The following BGN variants were observed in gnomAD, a reference collection of about 807,000 sequenced individuals.
BGN encodes bone/cartilage proteoglycan-I.
A neutral mutation model predicts 20.0 loss-of-function variants in BGN; 6 were observed. That is an observed-to-expected ratio of 0.30 (90% CI 0.16 to 0.59). The LOEUF (loss-of-function observed/expected upper bound fraction) is 0.59, where lower values mean the gene tolerates loss of function less well. Among genes scored for constraint, BGN ranks in the 20% least tolerant of loss-of-function variants. The pLI is 0.88. For missense variants in BGN, 292 were observed against 312.1 expected, an observed-to-expected ratio of 0.94 and a Z score of 0.49; for synonymous variants, 146 against 134.6, an observed-to-expected ratio of 1.08 and a Z score of -0.59.
intron 1 of BGN, among the ~76,000 whole-genome samples, chrX:153,502,348 T>C (rs1191563573): frequency 2.7e-5 from 3 of 111,909 alleles, no homozygotes; most frequent in Non-Finnish European, 5.7e-5. Flanking sequence ...GTAGCGGCTT[T>C]GGCAGGGGCA....
rs782239175 is a variant in BGN, at chrX:153,506,026, G to T, written c.515G>T (p.Arg172Leu). ...CTCCGCATCCACGACAACCGCATCCGCAAGGTGCCCAAGGGAGTGTTCAGC... is the reference window on the plus strand; with the variant it reads ...CTCCGCATCCACGACAACCGCATCCTCAAGGTGCCCAAGGGAGTGTTCAGC... ...VELRIHDNRIRKVPKGVFSGL... is the reference protein window; with the variant it reads ...VELRIHDNRILKVPKGVFSGL... Residue 172 changes from arginine (R) to leucine (L), a missense_variant, in exon 4 of 8, where the codon CGC becomes CTC. By Grantham distance (102) the Arg-to-Leu change is moderately radical. Coordinates refer to ENST00000331595, the MANE Select transcript of BGN (RefSeq NM_001711.6). The T allele has an allele frequency of 8.3e-7, 1 of 1,210,263 alleles. No homozygotes were observed. The highest frequency in any genetic ancestry group is 1.1e-6 in the Non-Finnish European group (1 of 895,278).
rs1461123399 is a variant in BGN at position 153,506,284 on chromosome X, G to A, written c.565+208G>A. Among the ~76,000 whole-genome samples, 4 of 112,545 alleles carry A rather than the reference G, an allele frequency of 3.6e-5. No individual in the cohort carries two copies. The East Asian group carries it at 1.1e-3, about 32-fold the overall frequency. ...GGCCAGAGGGGCCGGGTGGCTTCCG[G>A]GAGCCCCATCTTCATCTCTGGCACT... On this transcript the variant is annotated intron_variant, in intron 4 of 7. Coordinates refer to ENST00000331595, the MANE Select transcript of BGN (RefSeq NM_001711.6).
chrX:153,499,817 G>A (rs947310583), intron 1 of BGN, among the ~76,000 whole-genome samples: 73 of 113,110 alleles, frequency 6.5e-4, no homozygotes, highest in African/African-American at 2.3e-3. Context: ...CCGGGTGTCA[G>A]CGGGGGCACA....
At chrX:153,504,944 A>T (rs2980053) in intron 2 of BGN, 75 bp downstream of exon 2, 1 of 1,025,271 alleles carries the variant, frequency 9.8e-7, no homozygotes. Context: ...TCTGAAGGGG[A>T]CACATGCTGG....
At chrX:153,503,115 C>T (rs782320736) in intron 1 of BGN, among the ~76,000 whole-genome samples, 2 of 112,974 alleles carry the variant, frequency 1.8e-5, no homozygotes, top group African/African-American at 3.2e-5. Context: ...CTCAGGCCCC[C>T]GGCCCGCTGG....
intron 7 of BGN, 72 bp from the exon 8 acceptor site, chrX:153,508,176 A>G: frequency 9.0e-7 from 1 of 1,111,234 alleles, no homozygotes; most frequent in Non-Finnish European, 1.2e-6. Context: ...CAACAGCAAA[A>G]TGCCTCCTGG....
chrX:153,505,447 G>A, intron 3 of BGN, 97 bp downstream of exon 3: 1 of 725,878 alleles, frequency 1.4e-6, no homozygotes, highest in African/African-American at 2.1e-5. Flanking sequence ...GGGGTTCGGG[G>A]ACTCGTGGGG....
chrX:153,499,685 C>A (rs565752659), intron 1 of BGN, among the ~76,000 whole-genome samples: 1 of 113,284 alleles, frequency 8.8e-6, no homozygotes, highest in Non-Finnish European at 1.9e-5. Context: ...ACGCACACGC[C>A]GGGCTTTGGC....
chrX:153,498,235 T>A (rs898380871), intron 1 of BGN, among the ~76,000 whole-genome samples: 5 of 113,023 alleles, frequency 4.4e-5, no homozygotes, highest in Non-Finnish European at 9.4e-5. Context: ...CCCAACGGAC[T>A]CTGTGGGCCT....
intron 4 of BGN, among the ~76,000 whole-genome samples, 195 bp from the exon 5 acceptor site, chrX:153,506,334 G>A (rs186912143): frequency 8.9e-6 from 1 of 112,195 alleles, no homozygotes; most frequent in East Asian, 2.8e-4. Context: ...TGCTGCCCCT[G>A]GAGCTAGCAG....
Position 153,507,311 on chromosome X carries a change from G to A in BGN, c.909+126G>A, listed in dbSNP as rs781941434. 2.0e-4 allele frequency: 180 copies of A among 889,408 alleles called. 1 individual carries two copies. The highest frequency in any genetic ancestry group is 4.2e-4 in the Admixed American group (11 of 25,935). 73.3% of individuals were successfully genotyped at this position (889,408 alleles called of 1,213,427 possible). On this transcript the variant is annotated intron_variant, in intron 7 of 7. Transcript: ENST00000331595. ...CGGCTCTGGGCATCTGCAAGGGAGC[G>A]GTCCTGATGCTCCCAGCTGGTGCTG...
At chrX:153,499,805 G>A (rs989079244) in intron 1 of BGN, among the ~76,000 whole-genome samples, 4 of 113,045 alleles carry the variant, frequency 3.5e-5, no homozygotes, top group Non-Finnish European at 7.5e-5. Flanking sequence ...GCAGGGGGCA[G>A]GCCGGGTGTC....
intron 1 of BGN, among the ~76,000 whole-genome samples, chrX:153,503,799 G>A (rs1482138047): frequency 9.0e-6 from 1 of 111,236 alleles, no homozygotes; most frequent in African/African-American, 3.3e-5. Flanking sequence ...CTGGGCTGCC[G>A]AGGCTGTGGG....
intron 1 of BGN, among the ~76,000 whole-genome samples, chrX:153,496,039 T>G (rs1556990676): frequency 8.9e-6 from 1 of 111,770 alleles, no homozygotes. Context: ...CCCTCACTGC[T>G]CCATGGGCGG....
chrX:153,501,857 C>T (rs1397395847), intron 1 of BGN, among the ~76,000 whole-genome samples: 4 of 112,353 alleles, frequency 3.6e-5, no homozygotes, highest in Non-Finnish European at 7.5e-5. Context: ...TCTGAGGGAA[C>T]CTCTTCCCCT....
rs782000091 is a variant in BGN at position 153,501,628 on chromosome X, C to T, written c.-11-2993C>T. Among the ~76,000 whole-genome samples the T allele has an allele frequency of 4.4e-5, 5 of 112,734 alleles. No homozygotes were observed. The East Asian group carries it at 1.4e-3, about 32-fold the overall frequency. ...TTGCTGCCTCCTGTGGGCTCAGACA[C>T]GGAGCCTGCCCCTTCCTCGGGAGAG... On this transcript the variant is annotated intron_variant, in intron 1 of 7. Transcript: ENST00000331595.
At chrX:153,503,152 C>G (rs931688459) in intron 1 of BGN, among the ~76,000 whole-genome samples, 1 of 112,823 alleles carries the variant, frequency 8.9e-6, no homozygotes, top group Non-Finnish European at 1.9e-5. Flanking sequence ...GCGGCAGCCC[C>G]GGGCAGCCAG....
chrX:153,495,809 A>C (rs1569532062), intron 1 of BGN, among the ~76,000 whole-genome samples: 1 of 113,072 alleles, frequency 8.8e-6, no homozygotes, highest in Non-Finnish European at 1.9e-5. Context: ...CCCTGGCTGC[A>C]AGGGCCCTGA....
chrX:153,500,954 G>A (rs952094380), intron 1 of BGN, among the ~76,000 whole-genome samples: 2 of 111,813 alleles, frequency 1.8e-5, no homozygotes. Context: ...GTGTATACAT[G>A]GGTATGCATG....
Sources: gnomAD v4.1 joint callset for allele counts (sites outside exome capture counted in the v4.1 genomes callset) on GRCh38, gnomAD v4.1.1 for gene constraint, MANE v1.5 for transcripts, NCBI Gene and HGNC (gene_info 2026-07-23, HGNC 2026-07-21) for gene names.